Variants in RNF169 observed in about 807,000 individuals in gnomAD.
RNF169 encodes the protein E3 ubiquitin-protein ligase RNF169.
RNF169 carries 24 observed loss-of-function variants against 53.9 expected under a neutral mutation model. The observed-to-expected ratio is 0.45, with a 90% CI of 0.32 to 0.63. The LOEUF (loss-of-function observed/expected upper bound fraction) is 0.63. Ranked by LOEUF, RNF169 falls within the 20% of genes least tolerant of loss-of-function variation. RNF169 has a pLI of 0.04. For missense variants in RNF169, 883 were observed against 906.2 expected (o/e 0.97, Z 0.33); for synonymous variants, 396 against 363.5 (o/e 1.09, Z -1.02).
At chr11:74,812,847 A>G (rs1232293493) in intron 3 of RNF169, among the ~76,000 whole-genome samples, 1 of 152,162 alleles carries the variant, frequency 6.6e-6, no homozygotes, top group East Asian at 1.9e-4. Context: ...AAATTAAATG[A>G]AGACTCTTCA....
chr11:74,784,169 T>G (rs2035455287), intron 1 of RNF169, among the ~76,000 whole-genome samples: 1 of 152,170 alleles, frequency 6.6e-6, no homozygotes, highest in African/African-American at 2.4e-5. Flanking sequence ...TTAATGGAGA[T>G]TTAAAAAATT....
Position 74,748,918 on chromosome 11 carries a change from C to T in RNF169, c.38C>T (p.Ala13Val), listed in dbSNP as rs866449533. Residue 13 changes from alanine (A) to valine (V), a missense_variant, in exon 1 of 6, where the codon GCG becomes GTG. Coordinates refer to ENST00000299563, the MANE Select transcript of RNF169 (RefSeq NM_001098638.2). Reference protein sequence around the residue: ...AAGPSTRASSAAAAAALSRRG... With the variant: ...AAGPSTRASSVAAAAALSRRG... ...GGTCCGAGTACTCGGGCCTCTTCCG[C>T]GGCGGCAGCAGCCGCTCTGAGTCGG... The T allele has an allele frequency of 5.5e-6, 8 of 1,448,566 alleles. No individual in the cohort carries two copies. In the African/African-American group the frequency reaches 5.9e-5, roughly 11 times the overall value. The allele number at this position is 1,448,566 out of a possible 1,614,324, so 89.7% of individuals were successfully genotyped here. A position where few individuals can be genotyped will look rare whatever the true frequency, so the allele number is the denominator to read the frequency against.
chr11:74,750,588 C>CTTT lies in RNF169; in HGVS notation c.502+1231_502+1233dup, dbSNP rs71036015. On this transcript the variant is annotated intron_variant, in intron 1 of 5. Transcript: ENST00000299563. Reference sequence around the variant, plus strand: ...CTATGTTCCTTGTCACTCCCCTCACCTTTTTTTTTTTTTTTTTTTTTTTTT... The same window carrying CTTT: ...CTATGTTCCTTGTCACTCCCCTCACCTTTTTTTTTTTTTTTTTTTTTTTTTTTT... Among the ~76,000 whole-genome samples the CTTT allele has an allele frequency of 2.4e-3, 131 of 54,544 alleles. 36 individuals are homozygous for CTTT. The highest frequency in any genetic ancestry group is 0.011 in the East Asian group (16 of 1,490). 35.8% of individuals were successfully genotyped at this position (54,544 alleles called of 152,430 possible).
intron 1 of RNF169, among the ~76,000 whole-genome samples, chr11:74,772,836 CATGTGTTTG>C (rs1250287579): frequency 1.3e-5 from 2 of 152,108 alleles, no homozygotes; most frequent in Non-Finnish European, 2.9e-5. Flanking sequence ...TTCAGTTTTA[CATGTGTTTG>C]ATCATGAACT....
At chr11:74,756,235 A>G (rs927213115) in intron 1 of RNF169, among the ~76,000 whole-genome samples, 3 of 152,200 alleles carry the variant, frequency 2.0e-5, no homozygotes, top group African/African-American at 4.8e-5. Flanking sequence ...GGATGTAAAT[A>G]TGCAACTGAA....
At chr11:74,827,782 C>A (rs552467114) in intron 4 of RNF169, among the ~76,000 whole-genome samples, 3 of 152,260 alleles carry the variant, frequency 2.0e-5, no homozygotes, top group South Asian at 2.1e-4. Flanking sequence ...ATTCAGCACC[C>A]CTTCATGTTG....
intron 4 of RNF169, among the ~76,000 whole-genome samples, chr11:74,827,151 AG>A (rs1348004322): frequency 2.0e-5 from 3 of 152,178 alleles, no homozygotes; most frequent in African/African-American, 7.2e-5. Flanking sequence ...TGTGTAATCT[AG>A]GTGAAGGTTC....
In RNF169 at chr11:74,788,302, AACACACAC is replaced by A. The variant is rs140848727; in HGVS notation, c.503-1309_503-1302del. Reference sequence around the variant, plus strand: ...GGGGGTTTATATATACATAAACATAAACACACACACACACACACACACGACCACATTAA... The same window carrying A: ...GGGGGTTTATATATACATAAACATAAACACACACACACACGACCACATTAA... On this transcript the variant is annotated intron_variant, in intron 1 of 5. Coordinates refer to ENST00000299563, the MANE Select transcript of RNF169 (RefSeq NM_001098638.2). Among the ~76,000 whole-genome samples the A allele has an allele frequency of 5.3e-5, 8 of 150,222 alleles. No homozygotes were observed. The East Asian group carries it at 5.9e-4, about 11-fold the overall frequency.
At chr11:74,755,971 A>G (rs927123497) in intron 1 of RNF169, among the ~76,000 whole-genome samples, 1 of 152,214 alleles carries the variant, frequency 6.6e-6, no homozygotes, top group Non-Finnish European at 1.5e-5. Flanking sequence ...TGCTTTAGAA[A>G]GACAATATAT....
At chr11:74,779,129 A>G (rs1211501064) in intron 1 of RNF169, among the ~76,000 whole-genome samples, 3 of 152,200 alleles carry the variant, frequency 2.0e-5, no homozygotes, top group Non-Finnish European at 2.9e-5. Context: ...CAATGTTGCA[A>G]TGAAAATATT....
intron 2 of RNF169, among the ~76,000 whole-genome samples, chr11:74,796,820 A>C (rs554249099): frequency 6.6e-6 from 1 of 152,314 alleles, no homozygotes; most frequent in South Asian, 2.1e-4. Flanking sequence ...TTCTCGACCT[A>C]TCCATTTTCT....
intron 1 of RNF169, among the ~76,000 whole-genome samples, chr11:74,776,040 G>T (rs1032835614): frequency 6.6e-6 from 1 of 152,086 alleles, no homozygotes; most frequent in Non-Finnish European, 1.5e-5. Flanking sequence ...TTTATAGCCT[G>T]ACCAGAGCCA....
Position 74,776,139 on chromosome 11 carries a change from G to T in RNF169, c.503-13487G>T, listed in dbSNP as rs572385309. Among the ~76,000 whole-genome samples, 3 of 152,088 alleles carry T rather than the reference G, an allele frequency of 2.0e-5. No homozygotes were observed. The South Asian group carries it at 6.2e-4, about 32-fold the overall frequency. ...TGTATTGGCAGGCAAAACAAAAATTGCTCTTTTTTATTTTTTGCATGAACT... is the reference window on the plus strand; with the variant it reads ...TGTATTGGCAGGCAAAACAAAAATTTCTCTTTTTTATTTTTTGCATGAACT... On this transcript the variant is annotated intron_variant, in intron 1 of 5. Coordinates refer to ENST00000299563, the MANE Select transcript of RNF169 (RefSeq NM_001098638.2).
intron 4 of RNF169, chr11:74,831,053 T>C (rs1405661393): frequency 6.6e-6 from 1 of 152,136 alleles, no homozygotes; most frequent in African/African-American, 2.4e-5. Flanking sequence ...TCATACTCAG[T>C]GGTGAAAGAG....
chr11:74,817,605 C>T lies in RNF169; in HGVS notation c.733C>T (p.Arg245Cys), dbSNP rs373665416. Residue 245 changes from arginine (R) to cysteine (C), a missense_variant, in exon 4 of 6, where the codon CGT (arginine) becomes TGT (cysteine). By Grantham distance (180) the Arg-to-Cys change is radical (BLOSUM62 -3). This residue lies in a region of RNF169 where 219 missense variants were observed against 289.1 expected (regional missense o/e 0.76). Transcript: ENST00000299563. ...LKTNLERCPA[R>C]LSDSENEEPS... Reference sequence around the variant, plus strand: ...CTTGTCTCCCTGCCAGTGTCCTGCACGTCTCTCAGATTCAGAGAATGAAGA... The same window carrying T: ...CTTGTCTCCCTGCCAGTGTCCTGCATGTCTCTCAGATTCAGAGAATGAAGA... The T allele has an allele frequency of 6.8e-6, 11 of 1,607,740 alleles. No individual in the cohort carries two copies. The highest frequency in any genetic ancestry group is 6.7e-5 in the African/African-American group (5 of 74,748).
intron 1 of RNF169, among the ~76,000 whole-genome samples, chr11:74,766,341 A>G (rs1385806024): frequency 1.3e-5 from 2 of 152,194 alleles, no homozygotes; most frequent in African/African-American, 4.8e-5. Context: ...CAAATAAATT[A>G]GGAAAAAAGC....
At chr11:74,830,812 G>T (rs1405050468) in intron 4 of RNF169, 3 of 151,800 alleles carry the variant, frequency 2.0e-5, no homozygotes, top group Non-Finnish European at 4.4e-5. Flanking sequence ...TTTTTTAAAA[G>T]AATTATATAC....
At chr11:74,792,742 CTTGAGGAACTGTCAT>C (rs2035596081) in intron 2 of RNF169, among the ~76,000 whole-genome samples, 1 of 152,074 alleles carries the variant, frequency 6.6e-6, no homozygotes, top group Admixed American at 6.5e-5. Context: ...AGAAGGAAAC[CTTGAGGAACTGTCAT>C]TTGTGTTCCT....
Position 74,761,499 on chromosome 11 carries a change from C to T in RNF169, c.502+12117C>T, listed in dbSNP as rs1190235977. Among the ~76,000 whole-genome samples, 1,058 of 149,838 alleles carry T rather than the reference C, an allele frequency of 7.1e-3. 7 individuals carry two copies. Among genetic ancestry groups the T allele is most frequent in the Non-Finnish European group, 0.012 (796 of 67,132 alleles). On this transcript the variant is annotated intron_variant, in intron 1 of 5. Coordinates refer to ENST00000299563, the MANE Select transcript of RNF169 (RefSeq NM_001098638.2). ...GCTTCCTTCAGGAGCTCTTTTAGGGCAGGCCTGGTGGTGACAAAATCTCTC... is the reference window on the plus strand; with the variant it reads ...GCTTCCTTCAGGAGCTCTTTTAGGGTAGGCCTGGTGGTGACAAAATCTCTC...
Sources: gnomAD v4.1 joint callset for allele counts (sites outside exome capture counted in the v4.1 genomes callset) on GRCh38, gnomAD v4.1.1 for gene constraint, gnomAD v4.1.1 regional missense constraint, MANE v1.5 for transcripts, NCBI Gene and HGNC (gene_info 2026-07-23, HGNC 2026-07-21) for gene names.